The following DLGAP1 variants were observed in gnomAD, a reference collection of about 807,000 sequenced individuals.
DLGAP1 encodes the protein disks large-associated protein 1.
DLGAP1 carries 11 observed loss-of-function variants against 90.8 expected under a neutral mutation model. The observed-to-expected ratio is 0.12, with a 90% confidence interval of 0.08 to 0.20. DLGAP1 has a LOEUF of 0.20. Ranked by LOEUF, DLGAP1 falls within the 10% of genes least tolerant of loss-of-function variation. The pLI is 1.00. For missense variants in DLGAP1, 1,050 were observed against 1,333.8 expected, an observed-to-expected ratio of 0.79 and a Z score of 3.31; for synonymous variants, 558 against 540.7, an observed-to-expected ratio of 1.03 and a Z score of -0.44.
At chr18:4,306,462 T>TGTGA (rs1253812084) in intron 1 of DLGAP1, among the ~76,000 whole-genome samples, 963 of 52,046 alleles carry the variant, frequency 0.019, 14 homozygotes, top group African/African-American at 0.047. Flanking sequence ...TGTGTGTGTG[T>TGTGA]GAGAGAGAGA....
At chr18:3,705,857 C>T (rs2061414950) in intron 7 of DLGAP1, among the ~76,000 whole-genome samples, 1 of 151,958 alleles carries the variant, frequency 6.6e-6, no homozygotes, top group African/African-American at 2.4e-5. Context: ...TGAGGTTTCA[C>T]CATGTTGGCC....
chr18:4,269,987 A>G (rs991322649), intron 1 of DLGAP1, among the ~76,000 whole-genome samples: 1 of 152,210 alleles, frequency 6.6e-6, no homozygotes, highest in African/African-American at 2.4e-5. Flanking sequence ...TAATGATTGA[A>G]ATAGAAATTT....
chr18:3,742,294 C>CT, intron 6 of DLGAP1, 41 bp downstream of exon 6: 1 of 1,598,202 alleles, frequency 6.3e-7, no homozygotes, highest in Non-Finnish European at 8.6e-7. Context: ...ACCTTCCTGC[C>CT]ACTAATGGCT....
intron 4 of DLGAP1, among the ~76,000 whole-genome samples, chr18:3,864,204 G>A (rs2070251005): frequency 6.6e-6 from 1 of 152,090 alleles, no homozygotes; most frequent in Non-Finnish European, 1.5e-5. Context: ...AAATGTGAGG[G>A]GAATACATGT....
intron 9 of DLGAP1, among the ~76,000 whole-genome samples, chr18:3,536,349 G>A (rs1285493637): frequency 2.6e-5 from 4 of 150,946 alleles, no homozygotes; most frequent in East Asian, 4.0e-4. Flanking sequence ...TCAGCCTCCC[G>A]AATAGCTGGG....
At position 4,010,240 on chromosome 18, in the gene DLGAP1, AT is replaced by A. The variant is rs1312087949; in HGVS notation, c.-158-5040del. 2.0e-5 allele frequency among the ~76,000 whole-genome samples: 3 copies of A among 152,206 alleles called. No homozygotes were observed. In the East Asian group the frequency reaches 5.8e-4, roughly 29 times the overall value. The stretch of plus-strand genomic sequence containing the variant: ...GGCAACACAATAAAATAAAAGTAAA[AT>A]CAGATTAAGAATCATCAGGATTGCT... On this transcript the variant is annotated intron_variant, in intron 2 of 12. Coordinates refer to ENST00000315677, the MANE Select transcript of DLGAP1 (RefSeq NM_004746.4).
intron 10 of DLGAP1, among the ~76,000 whole-genome samples, chr18:3,523,617 G>GC (rs1253663985): frequency 2.0e-5 from 3 of 151,938 alleles, no homozygotes; most frequent in Admixed American, 6.6e-5. Flanking sequence ...GGAGGCCAAG[G>GC]AGGGCGGATC....
intron 7 of DLGAP1, among the ~76,000 whole-genome samples, chr18:3,663,472 G>A (rs1360044230): frequency 6.6e-6 from 1 of 152,164 alleles, no homozygotes; most frequent in Non-Finnish European, 1.5e-5. Context: ...CCTTTGGTCT[G>A]AGTGGGCTTG....
chr18:3,572,119 C>A (rs1252254916), intron 8 of DLGAP1, among the ~76,000 whole-genome samples: 3 of 138,708 alleles, frequency 2.2e-5, no homozygotes, highest in East Asian at 4.2e-4. Flanking sequence ...GCTCTTATTG[C>A]CCAGGCTGGA....
At chr18:3,605,474 G>A (rs2057285842) in intron 7 of DLGAP1, among the ~76,000 whole-genome samples, 1 of 152,132 alleles carries the variant, frequency 6.6e-6, no homozygotes, top group Non-Finnish European at 1.5e-5. Flanking sequence ...CACAGTTAAC[G>A]TTTGCTGCCT....
At chr18:3,767,114 A>G (rs1338289894) in intron 5 of DLGAP1, among the ~76,000 whole-genome samples, 1 of 152,130 alleles carries the variant, frequency 6.6e-6, no homozygotes, top group Non-Finnish European at 1.5e-5. Flanking sequence ...GTATAAAGGG[A>G]TACTATGAAC....
At chr18:4,139,306 T>C (rs2076457583) in intron 2 of DLGAP1, among the ~76,000 whole-genome samples, 2 of 152,016 alleles carry the variant, frequency 1.3e-5, no homozygotes, top group African/African-American at 4.8e-5. Context: ...CACATAGGCT[T>C]TCATACGTTG....
chr18:4,019,813 G>A (rs147047662), intron 2 of DLGAP1, among the ~76,000 whole-genome samples: 2,158 of 141,780 alleles, frequency 0.015, 15 homozygotes, highest in Middle Eastern at 0.021. Context: ...GCGCGTGTGC[G>A]CGCACACACA....
intron 4 of DLGAP1, among the ~76,000 whole-genome samples, chr18:3,863,134 C>T (rs142568509): frequency 1.3e-5 from 2 of 152,352 alleles, no homozygotes; most frequent in East Asian, 1.9e-4. Flanking sequence ...AACGTAGCTA[C>T]GGTGACTGAG....
intron 1 of DLGAP1, among the ~76,000 whole-genome samples, chr18:4,343,667 G>C (rs935943215): frequency 6.6e-6 from 1 of 151,998 alleles, no homozygotes; most frequent in African/African-American, 2.4e-5. Flanking sequence ...GGGGCTAGGG[G>C]AGGGATAGCA....
At chr18:4,323,181 T>C (rs893394719) in intron 1 of DLGAP1, among the ~76,000 whole-genome samples, 35 of 152,240 alleles carry the variant, frequency 2.3e-4, no homozygotes, top group Admixed American at 1.9e-3. Flanking sequence ...TAAATAGATA[T>C]GTGAAGAAAT....
At chr18:4,210,545 T>C (rs557779217) in intron 1 of DLGAP1, among the ~76,000 whole-genome samples, 16 of 152,298 alleles carry the variant, frequency 1.1e-4, no homozygotes, top group African/African-American at 3.8e-4. Flanking sequence ...TGATTCTTAC[T>C]GCCTTGATTG....
intron 7 of DLGAP1, chr18:3,594,069 ACTC>A (rs2056432890): frequency 6.6e-6 from 1 of 151,036 alleles, no homozygotes; most frequent in African/African-American, 2.4e-5. Flanking sequence ...AGACGCAGCC[ACTC>A]CTCTGTTAGA....
intron 10 of DLGAP1, among the ~76,000 whole-genome samples, chr18:3,515,112 G>A (rs2050752548): frequency 6.6e-6 from 1 of 152,102 alleles, no homozygotes. Flanking sequence ...TTTCATGAAA[G>A]GTTTCTCTGT....
Sources: allele counts gnomAD v4.1 joint callset (sites outside exome capture counted in the v4.1 genomes callset), GRCh38; gene constraint gnomAD v4.1.1; transcripts MANE v1.5; gene names NCBI Gene and HGNC (gene_info 2026-07-23, HGNC 2026-07-21).